The following GRM8 variants were observed in gnomAD, a reference collection of about 807,000 sequenced individuals.
GRM8 encodes the protein glutamate metabotropic receptor 8, also known as metabotropic glutamate receptor 8.
Under a neutral mutation model 87.2 loss-of-function variants are expected in GRM8, and 47 were observed. The ratio of observed to expected loss-of-function variants is 0.54; its 90% CI spans 0.43 to 0.69. GRM8 has a LOEUF of 0.69. GRM8 is among the 30% of genes least tolerant of loss of function. GRM8 has a pLI of 0.00. For missense variants in GRM8, 1,019 were observed against 1,139.2 expected (o/e 0.89, Z 1.52); for synonymous variants, 396 against 404.5 (o/e 0.98, Z 0.25).
At chr7:127,056,888 CAGA>C (rs1223572236) in intron 3 of GRM8, among the ~76,000 whole-genome samples, 2 of 152,118 alleles carry the variant, frequency 1.3e-5, no homozygotes, top group Non-Finnish European at 2.9e-5. Context: ...ACTGGAGTTG[CAGA>C]AGGAGTGATA....
chr7:126,589,350 G>A (rs534365908), intron 8 of GRM8, among the ~76,000 whole-genome samples: 16 of 152,082 alleles, frequency 1.1e-4, no homozygotes, highest in African/African-American at 2.7e-4. Context: ...TGTAACTGTC[G>A]GCTGTCCCCC....
chr7:126,538,287 C>G (rs1816083141), intron 8 of GRM8, among the ~76,000 whole-genome samples: 1 of 152,128 alleles, frequency 6.6e-6, no homozygotes, highest in African/African-American at 2.4e-5. Context: ...ACTAGGAGTA[C>G]TGTTTTATAA....
intron 3 of GRM8, among the ~76,000 whole-genome samples, chr7:126,963,656 A>G (rs1809540718): frequency 6.6e-6 from 1 of 152,212 alleles, no homozygotes; most frequent in Admixed American, 6.5e-5. Flanking sequence ...ATGCTCAAGG[A>G]AATAAGAGAG....
chr7:126,481,297 T>C (rs1174322131), intron 9 of GRM8, among the ~76,000 whole-genome samples: 1 of 152,032 alleles, frequency 6.6e-6, no homozygotes, highest in Non-Finnish European at 1.5e-5. Context: ...ACAAATTTAG[T>C]GGATATGTTT....
At chr7:126,640,627 G>C (rs896436261) in intron 7 of GRM8, among the ~76,000 whole-genome samples, 1 of 151,844 alleles carries the variant, frequency 6.6e-6, no homozygotes, top group Non-Finnish European at 1.5e-5. Flanking sequence ...TTTGAGCCTA[G>C]AGGAAATCAG....
Position 127,055,201 on chromosome 7 carries a change from A to AT in GRM8, c.727+51294dup, listed in dbSNP as rs974374324. Among the ~76,000 whole-genome samples the AT allele has an allele frequency of 1.1e-4, 3 of 27,730 alleles. No individual in the cohort carries two copies. The South Asian group carries it at 2.6e-3, about 24-fold the overall frequency. 18.2% of individuals were successfully genotyped at this position (27,730 alleles called of 152,430 possible). A position where few individuals can be genotyped will look rare whatever the true frequency, so the allele number is the denominator to read the frequency against. ...ATTTCTTATACCAGAAGAAGGGAAC[A>AT]TTTTTTTAAATGATGTTTTTCGTCT... is the stretch of plus-strand genomic sequence containing the variant. On this transcript the variant is annotated intron_variant, in intron 3 of 10. Transcript: ENST00000339582.
intron 7 of GRM8, among the ~76,000 whole-genome samples, chr7:126,762,618 T>C (rs774519172): frequency 1.3e-5 from 2 of 152,144 alleles, no homozygotes; most frequent in Non-Finnish European, 2.9e-5. Flanking sequence ...GGCAGTATTT[T>C]CTGGAATTTT....
chr7:126,902,494 C>G, intron 6 of GRM8, 48 bp downstream of exon 6: 1 of 1,430,364 alleles, frequency 7.0e-7, no homozygotes, highest in Non-Finnish European at 9.4e-7. Flanking sequence ...GTAATGAAAA[C>G]AAATGAAAAT....
chr7:127,226,099 G>A (rs73231249), intron 2 of GRM8, among the ~76,000 whole-genome samples: 2,060 of 152,208 alleles, frequency 0.014, 24 homozygotes, highest in Admixed American at 0.021. Flanking sequence ...AGTGGCACTG[G>A]TAACTTTAAA....
chr7:126,462,255 A>T (rs1483053201), intron 9 of GRM8, among the ~76,000 whole-genome samples: 2 of 148,316 alleles, frequency 1.3e-5, no homozygotes, highest in African/African-American at 5.2e-5. Context: ...AAAAAAGCAC[A>T]TCTAGCTATT....
intron 2 of GRM8, among the ~76,000 whole-genome samples, chr7:127,173,510 T>C (rs1472046906): frequency 2.0e-5 from 3 of 152,168 alleles, no homozygotes; most frequent in Non-Finnish European, 4.4e-5. Flanking sequence ...GAGGATCAGA[T>C]TGTACAGAGC....
chr7:126,957,183 C>G (rs1204573), intron 3 of GRM8, among the ~76,000 whole-genome samples: 116,618 of 152,012 alleles, frequency 0.77, 45,041 homozygotes, highest in East Asian at 0.97. Flanking sequence ...ATCTCAATCA[C>G]AGAGTTAAAA....
At chr7:127,077,724 T>A (rs1214325531) in intron 3 of GRM8, among the ~76,000 whole-genome samples, 1 of 152,228 alleles carries the variant, frequency 6.6e-6, no homozygotes. Context: ...CCTTGGTAAC[T>A]CAAGTTTTAC....
chr7:126,903,797 A>C (rs1802409149), intron 5 of GRM8, among the ~76,000 whole-genome samples, 175 bp downstream of exon 5: 1 of 147,424 alleles, frequency 6.8e-6, no homozygotes, highest in East Asian at 2.0e-4. Flanking sequence ...ATATATATAT[A>C]TATATGCATA....
chr7:126,634,159 A>T (rs1801623092), intron 7 of GRM8, among the ~76,000 whole-genome samples: 1 of 152,166 alleles, frequency 6.6e-6, no homozygotes, highest in Non-Finnish European at 1.5e-5. Context: ...GTTCTTTTAT[A>T]TGGAAACACA....
intron 9 of GRM8, among the ~76,000 whole-genome samples, chr7:126,513,540 C>T (rs1811723604): frequency 6.6e-6 from 1 of 152,112 alleles, no homozygotes; most frequent in African/African-American, 2.4e-5. Flanking sequence ...TATACATAGC[C>T]ACTTTCCAGT....
At chr7:126,522,455 A>T (rs1813126472) in intron 9 of GRM8, among the ~76,000 whole-genome samples, 1 of 152,236 alleles carries the variant, frequency 6.6e-6, no homozygotes. Flanking sequence ...CAAACATGGC[A>T]TAAATCCCTT....
chr7:127,163,439 T>C (rs1029610860), intron 2 of GRM8, among the ~76,000 whole-genome samples: 1 of 152,324 alleles, frequency 6.6e-6, no homozygotes, highest in Non-Finnish European at 1.5e-5. Context: ...AAATACAACC[T>C]CCATGGGTTT....
At chr7:126,893,149 A>C (rs1385784952) in intron 6 of GRM8, among the ~76,000 whole-genome samples, 6 of 152,060 alleles carry the variant, frequency 3.9e-5, no homozygotes, top group Non-Finnish European at 7.4e-5. Flanking sequence ...AAATAGTATA[A>C]ATGTAATTTT....
Sources: allele counts gnomAD v4.1 joint callset (sites outside exome capture counted in the v4.1 genomes callset), GRCh38; gene constraint gnomAD v4.1.1; transcripts MANE v1.5; gene names NCBI Gene and HGNC (gene_info 2026-07-23, HGNC 2026-07-21).